The following RBFOX1 variants were observed in gnomAD, a reference collection of about 807,000 sequenced individuals.
The protein encoded by RBFOX1 is RNA binding protein fox-1 homolog 1.
RBFOX1 carries 8 observed loss-of-function variants against 57.7 expected under a neutral mutation model. The ratio of observed to expected loss-of-function variants is 0.14; its 90% confidence interval spans 0.08 to 0.25. RBFOX1 has a LOEUF of 0.25. RBFOX1 is among the 10% of genes least tolerant of loss of function. The pLI is 1.00. For synonymous variants in RBFOX1, 326 were observed against 222.4 expected, an observed-to-expected ratio of 1.47 and a Z score of -4.15; for missense variants, 611 against 548.5, an observed-to-expected ratio of 1.11 and a Z score of -1.14.
intron 3 of RBFOX1, among the ~76,000 whole-genome samples, chr16:6,890,954 C>A (rs1174256974): frequency 1.3e-5 from 2 of 152,136 alleles, no homozygotes; most frequent in African/African-American, 4.8e-5. Flanking sequence ...TGTAAGTGTT[C>A]CCTAGAATTC....
chr16:5,679,625 T>G (rs2050268584), intron 3 of RBFOX1, among the ~76,000 whole-genome samples: 1 of 152,156 alleles, frequency 6.6e-6, no homozygotes, highest in African/African-American at 2.4e-5. Flanking sequence ...GTTCCTGTGT[T>G]AGTTTGCTGA....
At chr16:6,802,394 T>A (rs973593704) in intron 3 of RBFOX1, among the ~76,000 whole-genome samples, 1 of 152,170 alleles carries the variant, frequency 6.6e-6, no homozygotes, top group African/African-American at 2.4e-5. Context: ...GTCCATGTTA[T>A]GGCCTGGCGC....
intron 3 of RBFOX1, among the ~76,000 whole-genome samples, chr16:7,025,628 G>T (rs983761835): frequency 2.0e-5 from 3 of 152,026 alleles, no homozygotes; most frequent in Admixed American, 6.5e-5. Flanking sequence ...GGCATGTCCT[G>T]GGGGGGTTTT....
chr16:6,034,973 T>TTAAGTA (rs879279867), intron 1 of RBFOX1, among the ~76,000 whole-genome samples: 45,071 of 151,726 alleles, frequency 0.3, 6,869 homozygotes, highest in African/African-American at 0.37. Flanking sequence ...GCAGAGAGCA[T>TTAAGTA]ACTATTGAGT....
chr16:7,022,136 C>G (rs1170435252), intron 3 of RBFOX1, among the ~76,000 whole-genome samples: 1 of 146,696 alleles, frequency 6.8e-6, no homozygotes, highest in African/African-American at 2.6e-5. Context: ...AATCTCCACT[C>G]ACTGCAACCT....
chr16:6,540,859 G>A (rs1420918663), intron 2 of RBFOX1, among the ~76,000 whole-genome samples: 2 of 151,928 alleles, frequency 1.3e-5, no homozygotes, highest in African/African-American at 4.8e-5. Context: ...ATCTCAGATT[G>A]TATTCATCAT....
At chr16:6,145,808 C>G (rs1396729130) in intron 1 of RBFOX1, among the ~76,000 whole-genome samples, 3 of 152,092 alleles carry the variant, frequency 2.0e-5, no homozygotes, top group African/African-American at 7.2e-5. Context: ...AAAAAAGAAG[C>G]CAACCAGACT....
At chr16:5,484,518 C>A (rs1419774960) in intron 2 of RBFOX1, among the ~76,000 whole-genome samples, 1 of 152,228 alleles carries the variant, frequency 6.6e-6, no homozygotes, top group Non-Finnish European at 1.5e-5. Context: ...GTGGCCCATG[C>A]CTGTAATCCA....
intron 2 of RBFOX1, among the ~76,000 whole-genome samples, chr16:6,602,718 C>G (rs2097868697): frequency 6.6e-6 from 1 of 152,182 alleles, no homozygotes; most frequent in South Asian, 2.1e-4. Flanking sequence ...TCAAGATGAG[C>G]TGGAAGTGCA....
chr16:5,935,831 G>T (rs946738423), intron 4 of RBFOX1, among the ~76,000 whole-genome samples: 1 of 152,124 alleles, frequency 6.6e-6, no homozygotes, highest in South Asian at 2.1e-4. Context: ...TGCCTACTTT[G>T]GGTGGTCATG....
intron 4 of RBFOX1, among the ~76,000 whole-genome samples, chr16:7,267,289 C>G (rs1318195288): frequency 2.0e-5 from 3 of 152,036 alleles, no homozygotes; most frequent in Admixed American, 6.5e-5. Context: ...AATGCGAGCA[C>G]TTTCGGAGGC....
chr16:6,102,139 C>T (rs1214116902), intron 1 of RBFOX1, among the ~76,000 whole-genome samples: 1 of 146,142 alleles, frequency 6.8e-6, no homozygotes, highest in Non-Finnish European at 1.5e-5. Flanking sequence ...GAGTTTCGGC[C>T]TGAAGGAATT....
intron 1 of RBFOX1, among the ~76,000 whole-genome samples, chr16:5,415,604 G>A (rs1283744758): frequency 6.6e-6 from 1 of 152,178 alleles, no homozygotes; most frequent in Non-Finnish European, 1.5e-5. Flanking sequence ...GCAGGCAATA[G>A]CACCTAGCCA....
intron 3 of RBFOX1, among the ~76,000 whole-genome samples, chr16:6,782,011 G>A (rs908524793): frequency 1.3e-5 from 2 of 151,986 alleles, no homozygotes; most frequent in African/African-American, 4.8e-5. Flanking sequence ...TGCTGTTGTT[G>A]TTATTGTTGT....
chr16:6,041,152 C>G (rs893285345), intron 1 of RBFOX1, among the ~76,000 whole-genome samples: 1 of 152,172 alleles, frequency 6.6e-6, no homozygotes, highest in African/African-American at 2.4e-5. Flanking sequence ...AACCACTCAT[C>G]TTTTTCCTGT....
At chr16:6,924,951 C>A (rs1404651964) in intron 3 of RBFOX1, among the ~76,000 whole-genome samples, 3 of 150,128 alleles carry the variant, frequency 2.0e-5, no homozygotes, top group Non-Finnish European at 3.0e-5. Context: ...GGTTTTTTGC[C>A]CTTGCGATAG....
chr16:5,986,964 G>A (rs577178859), intron 4 of RBFOX1, among the ~76,000 whole-genome samples: 24 of 152,308 alleles, frequency 1.6e-4, no homozygotes, highest in African/African-American at 5.8e-4. Context: ...TTCCTAGAGT[G>A]GCTAAGCGGT....
chr16:5,996,742 C>T (rs966075486), intron 4 of RBFOX1, among the ~76,000 whole-genome samples: 2 of 152,128 alleles, frequency 1.3e-5, no homozygotes, highest in African/African-American at 4.8e-5. Flanking sequence ...AGACAGCTCA[C>T]AGCTCCCCTG....
chr16:5,556,164 A>G (rs1476804735), intron 2 of RBFOX1, among the ~76,000 whole-genome samples: 1 of 152,248 alleles, frequency 6.6e-6, no homozygotes, highest in Non-Finnish European at 1.5e-5. Flanking sequence ...TTAATTAAGT[A>G]ACACATTTCC....
Sources: gnomAD v4.1 joint callset for allele counts (sites outside exome capture counted in the v4.1 genomes callset) on GRCh38, gnomAD v4.1.1 for gene constraint, MANE v1.5 for transcripts, NCBI Gene and HGNC (gene_info 2026-07-23, HGNC 2026-07-21) for gene names.